Variants in ZC3H3 observed in about 807,000 individuals in gnomAD.
The protein encoded by ZC3H3 is zinc finger CCCH-type containing 3.
In ZC3H3, 36 loss-of-function variants were observed where a neutral mutation model predicts 77.3. The observed-to-expected ratio is 0.47, with a 90% CI of 0.36 to 0.61. The LOEUF is 0.61. ZC3H3 is among the 20% of genes least tolerant of loss of function. The probability of loss-of-function intolerance (pLI) is 0.00; values close to 1 mark genes in which losing one functional copy is unlikely to be tolerated. For missense variants in ZC3H3, 1,331 were observed against 1,312.2 expected (o/e 1.01, Z -0.22); for synonymous variants, 626 against 555.2 (o/e 1.13, Z -1.79).
chr8:143,518,353 C>G (rs891298325), intron 3 of ZC3H3, among the ~76,000 whole-genome samples: 1 of 152,234 alleles, frequency 6.6e-6, no homozygotes, highest in Non-Finnish European at 1.5e-5. Flanking sequence ...CCGGGCGGCA[C>G]GGAGACCCAG....
At chr8:143,505,299 GAGGGTCC>G (rs1821654282) in intron 4 of ZC3H3, among the ~76,000 whole-genome samples, 1 of 152,244 alleles carries the variant, frequency 6.6e-6, no homozygotes, top group Non-Finnish European at 1.5e-5. Context: ...AGGGAGGGCT[GAGGGTCC>G]AGCCACATGC....
rs763233967 is a variant in ZC3H3 at position 143,538,717 on chromosome 8, C to T, written c.650G>A (p.Arg217Gln). The T allele has an allele frequency of 6.8e-6, 11 of 1,609,024 alleles. No homozygotes were observed. The highest frequency in any genetic ancestry group is 3.3e-5 in the South Asian group (3 of 91,050). ...SVGDSPREPR[R>Q]TVSESVIAVK... is the part of the protein sequence containing the mutation. ...GGCAATCACACTCTCACTGACTGTC[C>T]GGCGGGGCTCCCGGGGGCTGTCGCC... The change falls in exon 2 of 12, where the codon CGG (arginine) becomes CAG (glutamine). Residue 217 changes from arginine to glutamine, a missense_variant. Coordinates refer to ENST00000262577, the MANE Select transcript of ZC3H3 (RefSeq NM_015117.3).
intron 11 of ZC3H3, among the ~76,000 whole-genome samples, chr8:143,438,734 C>T (rs1819647412): frequency 6.6e-6 from 1 of 152,230 alleles, no homozygotes; most frequent in Non-Finnish European, 1.5e-5. Context: ...ACAGGCACCA[C>T]AGTGGCCCGC....
At chr8:143,458,212 C>A (rs1408239059) in intron 9 of ZC3H3, among the ~76,000 whole-genome samples, 1 of 152,226 alleles carries the variant, frequency 6.6e-6, no homozygotes, top group Admixed American at 6.5e-5. Context: ...ATTATACACA[C>A]ATAAAATTGA....
chr8:143,515,428 G>C (rs1822007248), intron 3 of ZC3H3, among the ~76,000 whole-genome samples: 1 of 152,282 alleles, frequency 6.6e-6, no homozygotes, highest in Non-Finnish European at 1.5e-5. Context: ...GCTTCCGGCA[G>C]ACGGCACTGG....
intron 9 of ZC3H3, among the ~76,000 whole-genome samples, chr8:143,461,271 C>T (rs1820255095): frequency 6.6e-6 from 1 of 152,114 alleles, no homozygotes; most frequent in Non-Finnish European, 1.5e-5. Context: ...CGCATCCAGG[C>T]CATCAGGGAA....
chr8:143,515,867 C>T (rs1025569152), intron 3 of ZC3H3, among the ~76,000 whole-genome samples: 1 of 152,254 alleles, frequency 6.6e-6, no homozygotes, highest in African/African-American at 2.4e-5. Context: ...CCCGGACCAC[C>T]ATCTATGTGG....
intron 4 of ZC3H3, among the ~76,000 whole-genome samples, chr8:143,486,429 G>T (rs1821055226): frequency 6.6e-6 from 1 of 152,188 alleles, no homozygotes; most frequent in South Asian, 2.1e-4. Flanking sequence ...CTTTTCCTCT[G>T]GGCATGTGCC....
rs1452232834 is a variant in ZC3H3, at chr8:143,533,725, C to T, written c.1561+2532G>A. ...TTTTTGAGACAAAATGTCACTCTGTCGCCCAGGCTGGAGTACAATGGCACG... is the reference window on the plus strand; with the variant it reads ...TTTTTGAGACAAAATGTCACTCTGTTGCCCAGGCTGGAGTACAATGGCACG... On this transcript the variant is annotated intron_variant, in intron 3 of 11. Transcript: ENST00000262577. The surrounding 1 kb of genome is among the most constrained non-coding windows in gnomAD (Gnocchi z 4.0). Among the ~76,000 whole-genome samples the T allele has an allele frequency of 2.0e-5, 3 of 146,854 alleles. No individual in the cohort carries two copies. Among genetic ancestry groups the T allele is most frequent in the African/African-American group, 5.1e-5 (2 of 39,522 alleles).
chr8:143,467,576 A>G (rs1482180835), intron 8 of ZC3H3, among the ~76,000 whole-genome samples: 3 of 151,958 alleles, frequency 2.0e-5, no homozygotes, highest in African/African-American at 7.3e-5. Context: ...GGCAGCCCTC[A>G]CTCCACTCGC....
In ZC3H3 at chr8:143,536,382, C is replaced by A. The variant is rs781283205; in HGVS notation, c.1436G>T (p.Arg479Ile). Residue 479 changes from arginine (R) to isoleucine (I), a missense_variant, in exon 3 of 12, where the codon AGA becomes ATA. This residue lies in a region of ZC3H3 where 978 missense variants were observed against 915.5 expected (regional missense o/e 1.07). Transcript: ENST00000262577. ...TAKSHLSLRR[R>I]QALRGKSSPV... Reference sequence around the variant, plus strand: ...GCTGCTCTTCCCCCTGAGGGCCTGTCTCCGCCGGAGGCTGAGGTGGCTCTT... The same window carrying A: ...GCTGCTCTTCCCCCTGAGGGCCTGTATCCGCCGGAGGCTGAGGTGGCTCTT... 1 of 1,587,076 alleles carries A rather than the reference C, an allele frequency of 6.3e-7. No individual in the cohort carries two copies. The highest frequency in any genetic ancestry group is 1.1e-5 in the South Asian group (1 of 87,642).
intron 2 of ZC3H3, 97 bp downstream of exon 2, chr8:143,537,906 G>A: frequency 8.1e-7 from 1 of 1,231,638 alleles, no homozygotes; most frequent in Non-Finnish European, 1.1e-6. Context: ...GAACGCAACT[G>A]CAGGCAAAGC....
intron 9 of ZC3H3, among the ~76,000 whole-genome samples, chr8:143,464,519 G>A (rs537785317): frequency 5.9e-5 from 9 of 152,306 alleles, no homozygotes; most frequent in African/African-American, 1.7e-4. Context: ...GGAAGGGCCC[G>A]GCCCACCACA....
At chr8:143,486,313 C>G (rs1392982043) in intron 4 of ZC3H3, among the ~76,000 whole-genome samples, 1 of 152,234 alleles carries the variant, frequency 6.6e-6, no homozygotes, top group Non-Finnish European at 1.5e-5. Flanking sequence ...TGGGCGGCTA[C>G]GACAACAGAA....
intron 4 of ZC3H3, among the ~76,000 whole-genome samples, chr8:143,505,917 A>G (rs1438314478): frequency 1.3e-5 from 2 of 152,214 alleles, no homozygotes; most frequent in African/African-American, 4.8e-5. Context: ...TCAGAGAGTC[A>G]CGGCCGCTCC....
chr8:143,465,548 G>A lies in ZC3H3; in HGVS notation c.2307+169C>T, dbSNP rs189016494. ...CCCTGTGTTGGTGCTGTGCAACCCC[G>A]GGAAAGTTGCTGGACCTCTCTGAGT... On this transcript the variant is annotated intron_variant, in intron 9 of 11. Transcript: ENST00000262577. Among the ~76,000 whole-genome samples, 34 of 152,306 alleles carry A rather than the reference G, an allele frequency of 2.2e-4. 2 individuals are homozygous for A. The highest frequency in any genetic ancestry group is 7.7e-4 in the East Asian group (4 of 5,184).
In ZC3H3 at chr8:143,441,090, CG is replaced by C; in HGVS notation, c.2337del (p.Asp780ThrfsTer119). On this transcript the variant is annotated frameshift_variant, in exon 10 of 12. Transcript: ENST00000262577. LOFTEE classifies it high-confidence loss of function. ...KCKKKHTLLC[P>X]DFARRGACPR... is the part of the protein sequence containing the mutation. ...GGACACGCCCCCCTGCGGGCAAAGT[CG>C]GGGCACAGCAGCGTGTGTTTCTTCT... The C allele has an allele frequency of 6.9e-7, 1 of 1,459,164 alleles. No homozygotes were observed. The highest frequency in any genetic ancestry group is 9.0e-7 in the Non-Finnish European group (1 of 1,116,714). The allele number at this position is 1,459,164 out of a possible 1,614,324, so 90.4% of individuals were successfully genotyped here.
intron 4 of ZC3H3, among the ~76,000 whole-genome samples, chr8:143,476,469 G>C (rs574644675): frequency 1.3e-5 from 2 of 152,218 alleles, no homozygotes; most frequent in African/African-American, 4.8e-5. Flanking sequence ...CCAAGGGGCA[G>C]AGTAAGACAA....
Position 143,441,022 on chromosome 8 carries a change from G to T in ZC3H3, c.2406C>A (p.Arg802=). 1 of 1,480,716 alleles carries T rather than the reference G, an allele frequency of 6.8e-7. No homozygotes were observed. The highest frequency in any genetic ancestry group is 8.9e-7 in the Non-Finnish European group (1 of 1,123,480). 91.7% of individuals were successfully genotyped at this position (1,480,716 alleles called of 1,614,324 possible). The change falls in exon 10 of 12, where the codon CGC becomes CGA. Residue 802 remains arginine (R), a synonymous_variant. Coordinates refer to ENST00000262577, the MANE Select transcript of ZC3H3 (RefSeq NM_015117.3). The part of the protein sequence containing the change: ...QCQLLHRTQK[R]HSRRAATSPA... ...GGGACGTGGCTGCCCGCCGACTGTG[G>T]CGTTTCTGGGTACGGTGGAGCAGCT...
Sources: allele counts gnomAD v4.1 joint callset (sites outside exome capture counted in the v4.1 genomes callset), GRCh38; gene constraint gnomAD v4.1.1; regional missense constraint gnomAD v4.1.1; non-coding constraint Gnocchi (gnomAD v3.1); transcripts MANE v1.5; gene names NCBI Gene and HGNC (gene_info 2026-07-23, HGNC 2026-07-21).